The following KDM4C variants were observed in gnomAD, a reference collection of about 807,000 sequenced individuals.
KDM4C encodes lysine demethylase 4C.
In KDM4C, 81 loss-of-function variants were observed where a neutral mutation model predicts 129.3. The observed-to-expected ratio is 0.63, with a 90% confidence interval of 0.52 to 0.75. The LOEUF (loss-of-function observed/expected upper bound fraction) is 0.75, where lower values mean the gene tolerates loss of function less well. Among genes scored for constraint, KDM4C ranks in the 30% least tolerant of loss-of-function variants. KDM4C has a pLI of 0.00. For synonymous variants in KDM4C, 573 were observed against 456.1 expected (o/e 1.26, Z -3.26); for missense variants, 1,457 against 1,304.0 (o/e 1.12, Z -1.81).
At chr9:6,792,125 G>A (rs771220018) in intron 1 of KDM4C, among the ~76,000 whole-genome samples, 21 of 152,094 alleles carry the variant, frequency 1.4e-4, no homozygotes, top group Non-Finnish European at 5.9e-5. Context: ...CGGATTGGCT[G>A]AGGTCAGGAG....
At position 6,730,316 on chromosome 9, in the gene KDM4C, A is replaced by G. The variant is rs572080791; in HGVS notation, c.49+9319A>G. On this transcript the variant is annotated intron_variant, in intron 1 of 17. Coordinates refer to the KDM4C transcript ENST00000536108. ...GAAAAACTTCAACTGAATTAAATTT[A>G]AAATAATTTAATTGAGCGGCTGGGC... Among the ~76,000 whole-genome samples, 9 of 152,114 alleles carry G rather than the reference A, an allele frequency of 5.9e-5. No homozygotes were observed. In the East Asian group the frequency reaches 1.7e-3, roughly 30 times the overall value.
chr9:7,009,667 G>A (rs528057689), intron 12 of KDM4C, among the ~76,000 whole-genome samples: 1 of 152,108 alleles, frequency 6.6e-6, no homozygotes, highest in Non-Finnish European at 1.5e-5. Context: ...ATGGTTAATA[G>A]TCAAATCATG....
At chr9:6,799,239 C>G (rs978040790) in intron 2 of KDM4C, among the ~76,000 whole-genome samples, 22 of 151,986 alleles carry the variant, frequency 1.4e-4, no homozygotes, top group Admixed American at 3.9e-4. Flanking sequence ...GTTGTAGCGA[C>G]GCGAGATCAC....
chr9:7,087,203 C>A (rs994757814), intron 17 of KDM4C, among the ~76,000 whole-genome samples: 1 of 150,598 alleles, frequency 6.6e-6, no homozygotes, highest in South Asian at 2.1e-4. Flanking sequence ...AGAAAGAGTT[C>A]GCATATAACT....
intron 15 of KDM4C, among the ~76,000 whole-genome samples, chr9:7,019,702 TTTTTATATATAAAAATATAATA>T (rs1563992732): frequency 9.7e-6 from 1 of 102,830 alleles, no homozygotes; most frequent in Non-Finnish European, 1.8e-5. Context: ...AAATATAATA[TTTTTATATATAAAAATATAATA>T]TTTTTATATA....
chr9:6,915,686 G>T (rs778478104), intron 8 of KDM4C, among the ~76,000 whole-genome samples: 2 of 152,064 alleles, frequency 1.3e-5, no homozygotes, highest in South Asian at 2.1e-4. Context: ...ACAACAATTT[G>T]TATATTCCTT....
intron 17 of KDM4C, among the ~76,000 whole-genome samples, chr9:7,096,365 GA>G (rs1836435427): frequency 6.6e-6 from 1 of 152,132 alleles, no homozygotes; most frequent in East Asian, 1.9e-4. Context: ...GTGCAGAGGG[GA>G]AGCACTATTT....
At chr9:6,965,225 C>G (rs1370003850) in intron 8 of KDM4C, among the ~76,000 whole-genome samples, 1 of 150,662 alleles carries the variant, frequency 6.6e-6, no homozygotes, top group Non-Finnish European at 1.5e-5. Flanking sequence ...GAGCTTAACA[C>G]AAGGCAAATT....
intron 3 of KDM4C, among the ~76,000 whole-genome samples, chr9:6,807,310 T>G: frequency 6.6e-6 from 1 of 150,742 alleles, no homozygotes; most frequent in African/African-American, 2.5e-5. Context: ...CCAACCCGTC[T>G]GGGAAGTGAG....
At chr9:7,083,712 T>TGTGTGTGTGTGG (rs1491274778) in intron 17 of KDM4C, among the ~76,000 whole-genome samples, 28 of 7,896 alleles carry the variant, frequency 3.5e-3, no homozygotes, top group African/African-American at 0.03. Context: ...ACATGACTGA[T>TGTGTGTGTGTGG]GTGTGTGTGT....
rs549230969 is a variant in KDM4C at position 6,972,240 on chromosome 9, G to T, written c.922-8685G>T. Among the ~76,000 whole-genome samples the T allele has an allele frequency of 1.0e-3, 152 of 150,184 alleles. 2 individuals are homozygous for T. Among genetic ancestry groups the T allele is most frequent in the South Asian group, 2.1e-4 (1 of 4,714 alleles). On this transcript the variant is annotated intron_variant, in intron 8 of 21. Transcript: ENST00000381309. The stretch of plus-strand genomic sequence containing the variant: ...CCATTTCCTATTTTGTGAAAATAGG[G>T]GTGTGTGTGTGTGTGTATATATATA...
chr9:6,962,120 A>G lies in KDM4C; in HGVS notation c.922-18805A>G, dbSNP rs186211166. On this transcript the variant is annotated intron_variant, in intron 8 of 21. Coordinates refer to ENST00000381309, the MANE Select transcript of KDM4C (RefSeq NM_015061.6). The stretch of plus-strand genomic sequence containing the variant: ...ATTGGCTGTGATTTTGAAGAAAATG[A>G]ATTAAATTGATTGATTGAAAAAAGC... 1.3e-4 allele frequency among the ~76,000 whole-genome samples: 20 copies of G among 152,368 alleles called. No individual in the cohort carries two copies. In the East Asian group the frequency reaches 2.7e-3, roughly 21 times the overall value.
At chr9:7,165,121 C>G in intron 19 of KDM4C, 117 bp from the exon 20 acceptor site, 1 of 1,216,076 alleles carries the variant, frequency 8.2e-7, no homozygotes, top group Middle Eastern at 2.4e-4. Context: ...AGATCATAAT[C>G]CATAAAACAC....
chr9:6,758,184 C>A lies in KDM4C; in HGVS notation c.-37C>A, dbSNP rs1309054233. ...TTCCTCCTCCACCGAGTCGTGCTCT[C>A]GCCCCAACCCGCGCGCCAGGTAACC... On this transcript the variant is annotated 5_prime_UTR_variant, in exon 1 of 22. Transcript: ENST00000381309. This position sits in a 1 kb window ranked among gnomAD's most constrained non-coding sequence, Gnocchi z 4.6. 1.0e-6 allele frequency: 1 copy of A among 985,968 alleles called. No homozygotes were observed. The highest frequency in any genetic ancestry group is 1.2e-6 in the Non-Finnish European group (1 of 830,398). The allele number at this position is 985,968 out of a possible 1,614,324, so 61.1% of individuals were successfully genotyped here. A position where few individuals can be genotyped will look rare whatever the true frequency, so the allele number is the denominator to read the frequency against.
chr9:6,929,838 A>T (rs1823347112), intron 8 of KDM4C, among the ~76,000 whole-genome samples: 1 of 152,158 alleles, frequency 6.6e-6, no homozygotes, highest in South Asian at 2.1e-4. Flanking sequence ...GCTTCTTTCA[A>T]ATGTTTTCTC....
intron 19 of KDM4C, among the ~76,000 whole-genome samples, chr9:7,142,351 C>T (rs1199727601): frequency 6.6e-6 from 1 of 152,162 alleles, no homozygotes; most frequent in African/African-American, 2.4e-5. Flanking sequence ...ACTCCTAAAG[C>T]AATCCTTCCA....
chr9:6,993,811 G>C (rs7848022), intron 12 of KDM4C, among the ~76,000 whole-genome samples: 2 of 152,078 alleles, frequency 1.3e-5, no homozygotes, highest in East Asian at 3.9e-4. Flanking sequence ...GAAGCTCTCA[G>C]GTTTCCTGGA....
intron 8 of KDM4C, chr9:6,948,065 C>G (rs1033660173): frequency 6.6e-6 from 1 of 152,110 alleles, no homozygotes; most frequent in Non-Finnish European, 1.5e-5. Flanking sequence ...ACTTTATTCA[C>G]TTGAATCAGA....
intron 7 of KDM4C, among the ~76,000 whole-genome samples, chr9:6,889,250 T>TGTG (rs1554627898): frequency 7.1e-5 from 2 of 28,212 alleles, no homozygotes; most frequent in Admixed American, 5.5e-4. Context: ...TGTGTGTGTG[T>TGTG]GGGAGGGTGG....
Sources: allele counts gnomAD v4.1 joint callset (sites outside exome capture counted in the v4.1 genomes callset), GRCh38; gene constraint gnomAD v4.1.1; non-coding constraint Gnocchi (gnomAD v3.1); transcripts MANE v1.5; gene names NCBI Gene and HGNC (gene_info 2026-07-23, HGNC 2026-07-21).